Variants in LRRTM4 observed in about 807,000 individuals in gnomAD.
The protein encoded by LRRTM4 is leucine-rich repeat transmembrane neuronal protein 4.
In LRRTM4, 25 loss-of-function variants were observed where a neutral mutation model predicts 47.6. The observed-to-expected ratio is 0.53, with a 90% CI of 0.38 to 0.73. LRRTM4 has a LOEUF of 0.73. Ranked by LOEUF, LRRTM4 falls within the 30% of genes least tolerant of loss-of-function variation. LRRTM4 has a pLI of 0.00. For missense variants in LRRTM4, 638 were observed against 713.4 expected (o/e 0.89, Z 1.20); for synonymous variants, 311 against 269.5 (o/e 1.15, Z -1.51).
At chr2:77,498,097 G>GA (rs1199774816) in intron 3 of LRRTM4, among the ~76,000 whole-genome samples, 2 of 151,782 alleles carry the variant, frequency 1.3e-5, no homozygotes, top group African/African-American at 2.4e-5. Flanking sequence ...GAAGAGAGAA[G>GA]AAAAAAATAT....
At chr2:77,098,509 T>C (rs1169361179) in intron 3 of LRRTM4, among the ~76,000 whole-genome samples, 2 of 151,976 alleles carry the variant, frequency 1.3e-5, no homozygotes, top group African/African-American at 4.8e-5. Context: ...TAGTTGTAGT[T>C]AAAAACCTAA....
intron 3 of LRRTM4, among the ~76,000 whole-genome samples, chr2:77,046,826 G>A (rs984369045): frequency 2.6e-5 from 4 of 151,970 alleles, no homozygotes; most frequent in African/African-American, 9.7e-5. Context: ...AAGACAGAAT[G>A]ACTTTGAAGA....
chr2:77,375,946 G>A (rs1366215492), intron 3 of LRRTM4, among the ~76,000 whole-genome samples: 2 of 151,508 alleles, frequency 1.3e-5, no homozygotes, highest in African/African-American at 4.8e-5. Context: ...CTAAATCCTG[G>A]CAACCACCAT....
At chr2:77,026,295 A>G (rs1162326306) in intron 3 of LRRTM4, among the ~76,000 whole-genome samples, 1 of 152,134 alleles carries the variant, frequency 6.6e-6, no homozygotes, top group Non-Finnish European at 1.5e-5. Context: ...CAGAAGGTAG[A>G]TATTATATTT....
intron 3 of LRRTM4, among the ~76,000 whole-genome samples, chr2:77,435,088 G>A (rs1338738883): frequency 6.6e-6 from 1 of 151,860 alleles, no homozygotes; most frequent in Non-Finnish European, 1.5e-5. Context: ...CCCACTAGAT[G>A]CCAGTAGAAC....
chr2:76,797,674 T>C (rs1675420074), intron 3 of LRRTM4, among the ~76,000 whole-genome samples: 2 of 151,244 alleles, frequency 1.3e-5, no homozygotes, highest in Admixed American at 6.6e-5. Flanking sequence ...GACTGGCAAA[T>C]TGGATAAAGA....
chr2:77,264,382 T>C (rs1426744115), intron 3 of LRRTM4, among the ~76,000 whole-genome samples: 1 of 152,012 alleles, frequency 6.6e-6, no homozygotes, highest in Non-Finnish European at 1.5e-5. Context: ...TGGTTTCTTT[T>C]TGTATAAAGA....
intron 3 of LRRTM4, among the ~76,000 whole-genome samples, chr2:77,382,508 G>T (rs1003114655): frequency 2.0e-5 from 3 of 151,974 alleles, no homozygotes; most frequent in African/African-American, 7.2e-5. Context: ...TGTCATTCTG[G>T]GGTAGACACC....
intron 3 of LRRTM4, chr2:76,773,191 C>G (rs1673788236): frequency 1.3e-5 from 2 of 152,226 alleles, no homozygotes; most frequent in South Asian, 2.1e-4. Flanking sequence ...CTTCCAGTCT[C>G]TGGGGAATGA....
chr2:76,897,795 T>C (rs927542389), intron 3 of LRRTM4, among the ~76,000 whole-genome samples: 3 of 152,280 alleles, frequency 2.0e-5, no homozygotes, highest in Middle Eastern at 3.4e-3. Flanking sequence ...GGATTGTTAC[T>C]GGCTCTGCAG....
intron 3 of LRRTM4, among the ~76,000 whole-genome samples, chr2:76,841,437 T>TA (rs951800753): frequency 4.0e-5 from 6 of 151,606 alleles, no homozygotes; most frequent in Admixed American, 6.6e-5. Flanking sequence ...ATAATAAAAT[T>TA]AAAAAAAATT....
At chr2:76,893,514 T>C (rs969725047) in intron 3 of LRRTM4, among the ~76,000 whole-genome samples, 1 of 151,810 alleles carries the variant, frequency 6.6e-6, no homozygotes. Flanking sequence ...TAATTCTAGC[T>C]AAAATACAGA....
chr2:77,477,987 T>C (rs543043680), intron 3 of LRRTM4, among the ~76,000 whole-genome samples: 10 of 151,416 alleles, frequency 6.6e-5, no homozygotes, highest in African/African-American at 2.4e-4. Flanking sequence ...AAAAGCCACA[T>C]GAGGCAATTA....
chr2:77,265,457 G>A (rs930262011), intron 3 of LRRTM4, among the ~76,000 whole-genome samples: 13 of 152,112 alleles, frequency 8.5e-5, no homozygotes, highest in African/African-American at 2.9e-4. Context: ...CTACCTTCCC[G>A]CTGCCCCTGT....
intron 3 of LRRTM4, among the ~76,000 whole-genome samples, chr2:76,840,455 G>A (rs557599382): frequency 6.6e-6 from 1 of 152,270 alleles, no homozygotes; most frequent in Admixed American, 6.5e-5. Flanking sequence ...TTGATGGAAA[G>A]TCAGCAATCA....
chr2:77,382,023 T>C (rs1195940633), intron 3 of LRRTM4, among the ~76,000 whole-genome samples: 1 of 152,116 alleles, frequency 6.6e-6, no homozygotes, highest in African/African-American at 2.4e-5. Flanking sequence ...CCATGTGATA[T>C]GGATATCTAT....
intron 3 of LRRTM4, among the ~76,000 whole-genome samples, chr2:77,199,079 C>T (rs1402209010): frequency 6.6e-6 from 1 of 152,084 alleles, no homozygotes; most frequent in Non-Finnish European, 1.5e-5. Context: ...ACAAACTTTC[C>T]TGTGTTTTTC....
chr2:77,170,546 T>G (rs866984359), intron 3 of LRRTM4, among the ~76,000 whole-genome samples: 1 of 152,158 alleles, frequency 6.6e-6, no homozygotes, highest in African/African-American at 2.4e-5. Flanking sequence ...AATAAATATG[T>G]GTTGTATTGT....
At chr2:76,821,915 G>C (rs1408018088) in intron 3 of LRRTM4, among the ~76,000 whole-genome samples, 1 of 151,528 alleles carries the variant, frequency 6.6e-6, no homozygotes, top group African/African-American at 2.4e-5. Context: ...GCATCATATA[G>C]TACCTGACGT....
Sources: gnomAD v4.1 joint callset for allele counts (sites outside exome capture counted in the v4.1 genomes callset) on GRCh38, gnomAD v4.1.1 for gene constraint, MANE v1.5 for transcripts, NCBI Gene and HGNC (gene_info 2026-07-23, HGNC 2026-07-21) for gene names.